BMP7: variants seen among roughly 807,000 people sequenced by gnomAD.
BMP7 encodes the protein osteogenic protein 1.
A neutral mutation model predicts 41.2 loss-of-function variants in BMP7; 12 were observed. The observed-to-expected ratio is 0.29, with a 90% confidence interval of 0.19 to 0.47. The LOEUF (loss-of-function observed/expected upper bound fraction) is 0.47, where lower values mean the gene tolerates loss of function less well. Ranked by LOEUF, BMP7 falls within the 20% of genes least tolerant of loss-of-function variation. The pLI, the probability that BMP7 is intolerant of heterozygous loss-of-function variation, is 0.99. For missense variants in BMP7, 467 were observed against 606.0 expected, an observed-to-expected ratio of 0.77 and a Z score of 2.41; for synonymous variants, 248 against 250.0, an observed-to-expected ratio of 0.99 and a Z score of 0.07.
Position 57,213,365 on chromosome 20 carries a change from G to C in BMP7, c.612-10742C>G, listed in dbSNP as rs964692898. On this transcript the variant is annotated intron_variant, in intron 2 of 6. Transcript: ENST00000395863. The surrounding 1 kb of genome is among the most constrained non-coding windows in gnomAD (Gnocchi z 4.4). ...CTCAAAAACTGCAACTTATTAATAG[G>C]ATAGCTAAGAGAGGAAAATGAGAGG... Among the ~76,000 whole-genome samples the C allele has an allele frequency of 1.3e-5, 2 of 152,210 alleles. No individual in the cohort carries two copies. Among genetic ancestry groups the C allele is most frequent in the African/African-American group, 4.8e-5 (2 of 41,452 alleles).
intron 3 of BMP7, among the ~76,000 whole-genome samples, chr20:57,188,629 A>T (rs1371353326): frequency 6.6e-6 from 1 of 152,060 alleles, no homozygotes; most frequent in Non-Finnish European, 1.5e-5. Flanking sequence ...CACATTTTTT[A>T]AAAAACTAAA....
At chr20:57,265,255 T>A (rs2066171445) in intron 1 of BMP7, among the ~76,000 whole-genome samples, 1 of 150,922 alleles carries the variant, frequency 6.6e-6, no homozygotes, top group Admixed American at 6.6e-5. Context: ...ACAGGGAGGG[T>A]AAGGGGGTGC....
At chr20:57,227,725 C>T (rs567439586) in intron 2 of BMP7, among the ~76,000 whole-genome samples, 15 of 152,278 alleles carry the variant, frequency 9.9e-5, no homozygotes, top group African/African-American at 3.4e-4. Context: ...TAATGGATCT[C>T]GATAAATTAA....
At chr20:57,192,219 AC>A (rs1378135063) in intron 3 of BMP7, among the ~76,000 whole-genome samples, 2 of 130,034 alleles carry the variant, frequency 1.5e-5, no homozygotes, top group African/African-American at 3.0e-5. Context: ...CATATTATAT[AC>A]TATTATATTA....
intron 1 of BMP7, among the ~76,000 whole-genome samples, chr20:57,233,663 T>C (rs954787239): frequency 2.6e-5 from 4 of 152,178 alleles, no homozygotes; most frequent in Non-Finnish European, 5.9e-5. Context: ...TCTGGGGTTC[T>C]TCCTCCCACC....
chr20:57,239,222 C>T (rs55936405), intron 1 of BMP7, among the ~76,000 whole-genome samples: 2,589 of 152,296 alleles, frequency 0.017, 59 homozygotes, highest in African/African-American at 0.06. Context: ...CAGGTAAATA[C>T]GGCCATTCCA....
At chr20:57,208,216 G>C (rs1984788984) in intron 2 of BMP7, among the ~76,000 whole-genome samples, 1 of 152,332 alleles carries the variant, frequency 6.6e-6, no homozygotes, top group Admixed American at 6.5e-5. Flanking sequence ...GGAAGAAGGA[G>C]TGTTTGAAAC....
rs964580463 is a variant in BMP7, at chr20:57,214,132, C to T, written c.612-11509G>A. The stretch of plus-strand genomic sequence containing the variant: ...ACCTGAGAGGCGAGCACTGTTGTCC[C>T]CTCTCACAGGTGGGAGACTGAGGCT... On this transcript the variant is annotated intron_variant, in intron 2 of 6. Coordinates refer to ENST00000395863, the MANE Select transcript of BMP7 (RefSeq NM_001719.3). The surrounding 1 kb of genome is among the most constrained non-coding windows in gnomAD (Gnocchi z 4.0). Among the ~76,000 whole-genome samples the T allele has an allele frequency of 3.3e-5, 5 of 152,166 alleles. No homozygotes were observed. The highest frequency in any genetic ancestry group is 1.2e-4 in the African/African-American group (5 of 41,436).
intron 1 of BMP7, among the ~76,000 whole-genome samples, chr20:57,254,647 T>TA (rs11477082): frequency 0.012 from 1,669 of 143,248 alleles, 17 homozygotes; most frequent in South Asian, 0.037. Flanking sequence ...ATTGATACAG[T>TA]AAAAAAAAAA....
chr20:57,226,654 G>T (rs981992347), intron 2 of BMP7, among the ~76,000 whole-genome samples: 7 of 152,148 alleles, frequency 4.6e-5, no homozygotes, highest in African/African-American at 1.7e-4. Flanking sequence ...AGTGCACTGT[G>T]GGGTTCCACA....
At chr20:57,202,394 G>C in intron 3 of BMP7, 81 bp downstream of exon 3, 1 of 1,546,666 alleles carries the variant, frequency 6.5e-7, no homozygotes, top group East Asian at 2.4e-5. Flanking sequence ...TTGTAGTGAA[G>C]CAAGCATGAG....
Position 57,221,152 on chromosome 20 carries a change from C to T in BMP7, c.611+7077G>A, listed in dbSNP as rs1210774849. 2.6e-5 allele frequency among the ~76,000 whole-genome samples: 4 copies of T among 151,946 alleles called. No homozygotes were observed. The East Asian group carries it at 5.8e-4, about 22-fold the overall frequency. ...CCCCTTGTGGACCCCCTGTCACTGTCTCTGCTGGGCCCCACTCAGATCTTC... is the reference window on the plus strand; with the variant it reads ...CCCCTTGTGGACCCCCTGTCACTGTTTCTGCTGGGCCCCACTCAGATCTTC... On this transcript the variant is annotated intron_variant, in intron 2 of 6. Coordinates refer to ENST00000395863, the MANE Select transcript of BMP7 (RefSeq NM_001719.3).
intron 1 of BMP7, among the ~76,000 whole-genome samples, chr20:57,257,288 A>G (rs2066137582): frequency 2.0e-5 from 3 of 152,232 alleles, no homozygotes; most frequent in Admixed American, 6.5e-5. Flanking sequence ...TAGATCAGTG[A>G]TTCTAAACTG....
rs554066253 is a variant in BMP7, at chr20:57,254,883, A to G, written c.418+10822T>C. On this transcript the variant is annotated intron_variant, in intron 1 of 6. Transcript: ENST00000395863. ...CATCTTGAGGAATTGCTATTAAAAT[A>G]CCAATCTCTGGCTGGCTATGGAATT... is the stretch of plus-strand genomic sequence containing the variant. 6.6e-5 allele frequency among the ~76,000 whole-genome samples: 10 copies of G among 152,296 alleles called. No homozygotes were observed. The South Asian group carries it at 2.1e-3, about 32-fold the overall frequency.
chr20:57,228,454 A>G lies in BMP7; in HGVS notation c.419-33T>C. The G allele has an allele frequency of 3.1e-6, 5 of 1,607,596 alleles. No homozygotes were observed. Among genetic ancestry groups the G allele is most frequent in the Non-Finnish European group, 3.4e-6 (4 of 1,174,048 alleles). The stretch of plus-strand genomic sequence containing the variant: ...AGGAAGAGAACACACACCAACACCG[A>G]CAGCTCATTAGTGTCTGGGTTTCAC... On this transcript the variant is annotated intron_variant, in intron 1 of 6. Transcript: ENST00000395863. This position sits in a 1 kb window ranked among gnomAD's most constrained non-coding sequence, Gnocchi z 4.5.
intron 2 of BMP7, among the ~76,000 whole-genome samples, chr20:57,218,807 T>G (rs1463045040): frequency 5.0e-5 from 7 of 139,700 alleles, no homozygotes; most frequent in African/African-American, 1.8e-4. Context: ...GTGCTGGTGT[T>G]TGTTTGGTGG....
intron 1 of BMP7, among the ~76,000 whole-genome samples, chr20:57,241,344 C>T (rs903598369): frequency 2.6e-5 from 4 of 152,208 alleles, no homozygotes; most frequent in African/African-American, 9.6e-5. Flanking sequence ...ACTCAGCTCC[C>T]TCTCAGACTT....
chr20:57,209,309 G>T (rs1320576762), intron 2 of BMP7, among the ~76,000 whole-genome samples: 3 of 140,400 alleles, frequency 2.1e-5, no homozygotes, highest in Non-Finnish European at 3.0e-5. Context: ...ACCAGGCGTG[G>T]TGGTACATGC....
chr20:57,202,616 C>A lies in BMP7; in HGVS notation c.619G>T (p.Asp207Tyr). 3.7e-6 allele frequency: 6 copies of A among 1,611,374 alleles called. No individual in the cohort carries two copies. Among genetic ancestry groups the A allele is most frequent in the Non-Finnish European group, 5.1e-6 (6 of 1,180,004 alleles). Reference sequence around the variant, plus strand: ...GTACGGCTGTCGAGCAGGAAGAGATCCGATTCCCTGCGAGAGAGGAGGAGA... The same window carrying A: ...GTACGGCTGTCGAGCAGGAAGAGATACGATTCCCTGCGAGAGAGGAGGAGA... The part of the protein sequence containing the change: ...VLQEHLGRES[D>Y]LFLLDSRTLW... Residue 207 changes from aspartate (D) to tyrosine (Y), a missense_variant, in exon 3 of 7, where the codon GAT becomes TAT. Asp to Tyr is a radical substitution (Grantham distance 160). Coordinates refer to ENST00000395863, the MANE Select transcript of BMP7 (RefSeq NM_001719.3).
Sources: gnomAD v4.1 joint callset for allele counts (sites outside exome capture counted in the v4.1 genomes callset) on GRCh38, gnomAD v4.1.1 for gene constraint, Gnocchi (gnomAD v3.1) non-coding constraint, MANE v1.5 for transcripts, NCBI Gene and HGNC (gene_info 2026-07-23, HGNC 2026-07-21) for gene names.